Variants in MYT1L observed in about 807,000 individuals in gnomAD.
MYT1L encodes myelin transcription factor 1-like protein.
A neutral mutation model predicts 126.7 loss-of-function variants in MYT1L; 12 were observed. That is an observed-to-expected ratio of 0.09 (90% CI 0.06 to 0.15). The LOEUF is 0.15. Among genes scored for constraint, MYT1L ranks in the 10% least tolerant of loss-of-function variants. The probability of loss-of-function intolerance (pLI) is 1.00; values close to 1 mark genes in which losing one functional copy is unlikely to be tolerated. For synonymous variants in MYT1L, 541 were observed against 604.2 expected (o/e 0.90, Z 1.53); for missense variants, 979 against 1,585.2 (o/e 0.62, Z 6.49).
intron 3 of MYT1L, among the ~76,000 whole-genome samples, chr2:2,150,148 G>A (rs1315913334): frequency 3.3e-5 from 5 of 152,176 alleles, no homozygotes; most frequent in African/African-American, 1.2e-4. Flanking sequence ...GGAGGGAGAG[G>A]AAGCCGTGGT....
intron 2 of MYT1L, among the ~76,000 whole-genome samples, chr2:2,233,022 G>A (rs964634947): frequency 1.3e-5 from 2 of 152,174 alleles, no homozygotes; most frequent in African/African-American, 4.8e-5. Flanking sequence ...AAACGTTCAG[G>A]AAGCCCCTGA....
chr2:2,318,713 C>A (rs187488560), intron 1 of MYT1L, among the ~76,000 whole-genome samples: 7 of 152,070 alleles, frequency 4.6e-5, no homozygotes, highest in African/African-American at 1.4e-4. Context: ...AAACAAAGGA[C>A]GAGTAAGAAA....
intron 3 of MYT1L, among the ~76,000 whole-genome samples, chr2:2,125,462 C>T (rs72767389): frequency 0.043 from 6,530 of 152,172 alleles, 210 homozygotes; most frequent in Non-Finnish European, 0.066. Context: ...CTGTAAGCTC[C>T]ACAAAGCAGG....
chr2:2,143,183 G>C (rs557566829), intron 3 of MYT1L, among the ~76,000 whole-genome samples: 2 of 151,446 alleles, frequency 1.3e-5, no homozygotes, highest in Admixed American at 1.3e-4. Flanking sequence ...CCAGCTACTC[G>C]GGAGGCTGAG....
chr2:2,293,684 G>A (rs1322590860), intron 1 of MYT1L, among the ~76,000 whole-genome samples: 1 of 152,206 alleles, frequency 6.6e-6, no homozygotes, highest in Admixed American at 6.5e-5. Context: ...GCCTGAGGCT[G>A]CCCTGGCCCT....
At chr2:2,141,654 G>A (rs1393833047) in intron 3 of MYT1L, among the ~76,000 whole-genome samples, 1 of 152,176 alleles carries the variant, frequency 6.6e-6, no homozygotes, top group East Asian at 1.9e-4. Context: ...GTCTGCGAGG[G>A]CCAATAATAG....
At chr2:1,871,085 A>G (rs534363180) in intron 18 of MYT1L, among the ~76,000 whole-genome samples, 138 of 152,354 alleles carry the variant, frequency 9.1e-4, no homozygotes, top group Non-Finnish European at 1.7e-3. Flanking sequence ...GAAGAAGCTG[A>G]GGAGGGGCAG....
At chr2:2,321,125 T>C (rs1369238141) in intron 1 of MYT1L, among the ~76,000 whole-genome samples, 1 of 152,194 alleles carries the variant, frequency 6.6e-6, no homozygotes, top group South Asian at 2.1e-4. Flanking sequence ...TGTTGATGAG[T>C]TCTTCTGGTG....
rs77168001 is a variant in MYT1L, at chr2:2,260,681, G to A, written c.-421+23723C>T. On this transcript the variant is annotated intron_variant, in intron 2 of 24. Coordinates refer to ENST00000647738, the MANE Select transcript of MYT1L (RefSeq NM_001303052.2). ...TATTTTTTTTTTGTTATATTATACT[G>A]AGACTCTGCTTTATTAAAATTTCCT... Among the ~76,000 whole-genome samples, 157 of 151,320 alleles carry A rather than the reference G, an allele frequency of 1.0e-3. 2 individuals carry two copies. The East Asian group carries it at 0.025, about 24-fold the overall frequency.
intron 4 of MYT1L, among the ~76,000 whole-genome samples, chr2:2,032,266 C>T (rs2066401133): frequency 9.0e-6 from 1 of 111,076 alleles, no homozygotes; most frequent in Non-Finnish European, 1.8e-5. Flanking sequence ...AGAGCAGATT[C>T]TAGAAGGAGG....
At chr2:1,897,947 C>T (rs2049837182) in intron 14 of MYT1L, among the ~76,000 whole-genome samples, 1 of 152,154 alleles carries the variant, frequency 6.6e-6, no homozygotes, top group Admixed American at 6.5e-5. Flanking sequence ...AATACCTCTT[C>T]AACTATTCCA....
At chr2:2,272,963 T>C (rs781674004) in intron 2 of MYT1L, among the ~76,000 whole-genome samples, 1 of 152,024 alleles carries the variant, frequency 6.6e-6, no homozygotes, top group Non-Finnish European at 1.5e-5. Flanking sequence ...CTGGCTCCCT[T>C]CTCTCCACTC....
intron 4 of MYT1L, among the ~76,000 whole-genome samples, chr2:2,004,053 A>ATGTTCTTTCCTGCGTGCCTT (rs2062758379): frequency 7.7e-6 from 1 of 129,414 alleles, no homozygotes; most frequent in Non-Finnish European, 1.6e-5. Flanking sequence ...TTTCCTGCAT[A>ATGTTCTTTCCTGCGTGCCTT]CTTTCCTGCA....
At chr2:2,240,538 C>T (rs764847005) in intron 2 of MYT1L, among the ~76,000 whole-genome samples, 17 of 152,144 alleles carry the variant, frequency 1.1e-4, no homozygotes, top group Non-Finnish European at 2.2e-4. Flanking sequence ...TACATAATTA[C>T]ATCTATTTTT....
intron 18 of MYT1L, among the ~76,000 whole-genome samples, chr2:1,866,284 G>C (rs1357968939): frequency 2.6e-5 from 4 of 152,100 alleles, no homozygotes; most frequent in Non-Finnish European, 5.9e-5. Flanking sequence ...GTTGTGAGTG[G>C]ACAAAGGATC....
At chr2:1,872,897 A>G (rs907340659) in intron 18 of MYT1L, among the ~76,000 whole-genome samples, 23 of 150,780 alleles carry the variant, frequency 1.5e-4, no homozygotes, top group Admixed American at 1.4e-3. Context: ...GGTAGGGGCC[A>G]GCATGATCCT....
chr2:2,263,234 C>G (rs1464503108), intron 2 of MYT1L, among the ~76,000 whole-genome samples: 1 of 151,676 alleles, frequency 6.6e-6, no homozygotes. Context: ...TTGTGAAAAT[C>G]GTGCATTTAT....
chr2:2,121,572 C>T (rs576719745), intron 3 of MYT1L, among the ~76,000 whole-genome samples: 183 of 152,094 alleles, frequency 1.2e-3, no homozygotes, highest in African/African-American at 4.1e-3. Flanking sequence ...CTGCAACCTC[C>T]GCCTTCCGGG....
At chr2:1,837,491 A>G (rs1236784900) in intron 21 of MYT1L, among the ~76,000 whole-genome samples, 1 of 152,194 alleles carries the variant, frequency 6.6e-6, no homozygotes, top group Admixed American at 6.5e-5. Flanking sequence ...GATCTGTCAA[A>G]ATTTTAAAGC....
Sources: allele counts gnomAD v4.1 joint callset (sites outside exome capture counted in the v4.1 genomes callset), GRCh38; gene constraint gnomAD v4.1.1; transcripts MANE v1.5; gene names NCBI Gene and HGNC (gene_info 2026-07-23, HGNC 2026-07-21).